Variants in SYNE2 observed in about 807,000 individuals in gnomAD.
The protein encoded by SYNE2 is nesprin-2.
In SYNE2, 431 loss-of-function variants were observed where a neutral mutation model predicts 856.3. The observed-to-expected ratio is 0.50, with a 90% CI of 0.47 to 0.55. SYNE2 has a LOEUF of 0.55. Among genes scored for constraint, SYNE2 ranks in the 20% least tolerant of loss-of-function variants. The pLI, the probability that SYNE2 is intolerant of heterozygous loss-of-function variation, is 0.00. For synonymous variants in SYNE2, 2,923 were observed against 2,872.3 expected, an observed-to-expected ratio of 1.02 and a Z score of -0.56; for missense variants, 8,129 against 8,023.2, an observed-to-expected ratio of 1.01 and a Z score of -0.50.
intron 1 of SYNE2, among the ~76,000 whole-genome samples, chr14:63,783,510 T>C (rs1887401997): frequency 6.6e-6 from 1 of 152,152 alleles, no homozygotes; most frequent in Non-Finnish European, 1.5e-5. Context: ...CCTGAGTAGC[T>C]GGGACTACAG....
intron 1 of SYNE2, among the ~76,000 whole-genome samples, chr14:63,889,975 C>T (rs929586866): frequency 2.0e-5 from 3 of 151,694 alleles, no homozygotes; most frequent in South Asian, 2.1e-4. Context: ...TTCTTGGCCT[C>T]TCTGTGTAGT....
chr14:64,142,194 T>C, intron 82 of SYNE2, 106 bp downstream of exon 82: 1 of 1,347,526 alleles, frequency 7.4e-7, no homozygotes, highest in Non-Finnish European at 1.0e-6. Flanking sequence ...AAAAAACTAA[T>C]TCTAGGGGTA....
chr14:64,062,934 A>G (rs1163030814), intron 50 of SYNE2, 39 bp downstream of exon 50: 11 of 1,613,760 alleles, frequency 6.8e-6, no homozygotes, highest in East Asian at 2.2e-5. Flanking sequence ...TCTGTGTGCA[A>G]AAAATTGCAG....
At chr14:63,985,199 G>A (rs1185536266) in intron 18 of SYNE2, among the ~76,000 whole-genome samples, 2 of 151,582 alleles carry the variant, frequency 1.3e-5, no homozygotes, top group South Asian at 2.1e-4. Flanking sequence ...GAGTGGTGGC[G>A]GGTGCTTGTA....
intron 70 of SYNE2, among the ~76,000 whole-genome samples, chr14:64,122,910 C>G (rs2097909198): frequency 6.6e-6 from 1 of 152,008 alleles, no homozygotes; most frequent in African/African-American, 2.4e-5. Context: ...CAAGACCAGC[C>G]TCAACATGGA....
At chr14:63,775,574 C>T (rs1425295741) in intron 1 of SYNE2, among the ~76,000 whole-genome samples, 2 of 152,014 alleles carry the variant, frequency 1.3e-5, no homozygotes, top group South Asian at 2.1e-4. Context: ...CTATGCCAGA[C>T]CTATTTTATT....
intron 1 of SYNE2, among the ~76,000 whole-genome samples, chr14:63,887,920 C>T (rs8004989): frequency 0.63 from 95,092 of 151,560 alleles, 29,969 homozygotes; most frequent in South Asian, 0.72. Flanking sequence ...GCCCGGCTAA[C>T]TTTTATATTT....
intron 6 of SYNE2, among the ~76,000 whole-genome samples, chr14:63,944,302 A>G (rs991731068): frequency 4.7e-5 from 7 of 147,690 alleles, no homozygotes; most frequent in Non-Finnish European, 1.0e-4. Flanking sequence ...ATATATATAT[A>G]TATATAAATA....
intron 1 of SYNE2, among the ~76,000 whole-genome samples, chr14:63,785,882 G>T (rs764461843): frequency 1.7e-4 from 26 of 152,068 alleles, no homozygotes; most frequent in Non-Finnish European, 3.7e-4. Context: ...AAGGCAGGAG[G>T]ACCAATCGAG....
At position 64,051,547 on chromosome 14, in the gene SYNE2, C is replaced by CT. The variant is rs760935878; in HGVS notation, c.7644-5dup. On this transcript the variant is annotated splice_polypyrimidine_tract_variant and intron_variant, in intron 47 of 115. Transcript: ENST00000555002. ...AATATTAACAAGCTCTATTTTTATTCTTTTTCTAGAGGACCACTGGACAGT... is the reference window on the plus strand; with the variant it reads ...AATATTAACAAGCTCTATTTTTATTCTTTTTTCTAGAGGACCACTGGACAGT... 4 of 1,604,232 alleles carry CT rather than the reference C, an allele frequency of 2.5e-6. 1 individual carries two copies. In the South Asian group the frequency reaches 4.5e-5, roughly 18 times the overall value.
chr14:63,846,556 G>A (rs1318537232), intron 1 of SYNE2, among the ~76,000 whole-genome samples: 1 of 146,840 alleles, frequency 6.8e-6, no homozygotes, highest in Non-Finnish European at 1.5e-5. Flanking sequence ...TGTTTAGTAG[G>A]GCACTTTATT....
At chr14:63,881,005 A>G (rs1182231488) in intron 1 of SYNE2, among the ~76,000 whole-genome samples, 3 of 151,930 alleles carry the variant, frequency 2.0e-5, no homozygotes, top group Non-Finnish European at 4.4e-5. Context: ...GTACCACCAC[A>G]TCCGGCTAAT....
chr14:64,218,926 G>A (rs1272663735), intron 109 of SYNE2, among the ~76,000 whole-genome samples: 1 of 152,066 alleles, frequency 6.6e-6, no homozygotes, highest in East Asian at 1.9e-4. Flanking sequence ...GGAGAAAACT[G>A]AAAAAATTCA....
chr14:63,963,915 C>T lies in SYNE2; in HGVS notation c.905C>T (p.Ala302Val), dbSNP rs866552166. The T allele has an allele frequency of 1.2e-6, 2 of 1,611,804 alleles. No homozygotes were observed. Among genetic ancestry groups the T allele is most frequent in the African/African-American group, 2.7e-5 (2 of 74,814 alleles). ...AAAATACAGGGAAAGGTGAAAGATG[C>T]TATGGGCTGGTTAACTCTGCAAAAG... Reference protein sequence around the residue: ...GEEAQGKVKDAMGWLTLQKEK... With the variant: ...GEEAQGKVKDVMGWLTLQKEK... Residue 302 changes from alanine to valine, a missense_variant, in exon 10 of 116, where the codon GCT (alanine) becomes GTT (valine). This residue lies in a region of SYNE2 where 2,422 missense variants were observed against 2,357.4 expected (regional missense o/e 1.03). Transcript: ENST00000555002.
intron 108 of SYNE2, 87 bp downstream of exon 108, chr14:64,216,474 G>T (rs779698761): frequency 7.1e-7 from 1 of 1,406,640 alleles, no homozygotes. Context: ...TGTAAACTGC[G>T]TGTATTCATT....
chr14:64,208,565 C>T (rs2098621343), intron 100 of SYNE2, among the ~76,000 whole-genome samples, 193 bp from the exon 101 acceptor site: 1 of 152,180 alleles, frequency 6.6e-6, no homozygotes, highest in African/African-American at 2.4e-5. Flanking sequence ...AACTTTGTGT[C>T]AGGTGCTGAC....
At chr14:64,036,300 G>A (rs866845470) in intron 45 of SYNE2, among the ~76,000 whole-genome samples, 3 of 151,172 alleles carry the variant, frequency 2.0e-5, no homozygotes, top group African/African-American at 7.3e-5. Context: ...TTGTTTGTTT[G>A]TTTGGAGAAA....
intron 87 of SYNE2, among the ~76,000 whole-genome samples, chr14:64,160,943 T>C (rs773304067): frequency 6.6e-6 from 1 of 152,088 alleles, no homozygotes; most frequent in Non-Finnish European, 1.5e-5. Context: ...AATTTAGCAA[T>C]TAAACTAAGG....
chr14:64,211,931 A>G, intron 103 of SYNE2, 30 bp from the exon 104 acceptor site: 1 of 1,614,028 alleles, frequency 6.2e-7, no homozygotes, highest in African/African-American at 1.3e-5. Flanking sequence ...CGTGGTCAGT[A>G]GAAATGTGAT....
Sources: gnomAD v4.1 joint callset for allele counts (sites outside exome capture counted in the v4.1 genomes callset) on GRCh38, gnomAD v4.1.1 for gene constraint, gnomAD v4.1.1 regional missense constraint, MANE v1.5 for transcripts, NCBI Gene and HGNC (gene_info 2026-07-23, HGNC 2026-07-21) for gene names.